Variants in ULK4 observed in about 807,000 individuals in gnomAD.
ULK4 encodes the protein inactive serine/threonine-protein kinase ULK4.
A neutral mutation model predicts 160.6 loss-of-function variants in ULK4; 133 were observed. The ratio of observed to expected loss-of-function variants is 0.83; its 90% CI spans 0.72 to 0.96. The LOEUF is 0.96. Among genes scored for constraint, ULK4 ranks in the 40% least tolerant of loss-of-function variants. The probability of loss-of-function intolerance (pLI) is 0.00; values close to 1 mark genes in which losing one functional copy is unlikely to be tolerated. For missense variants in ULK4, 1,580 were observed against 1,499.5 expected, an observed-to-expected ratio of 1.05 and a Z score of -0.89; for synonymous variants, 534 against 539.8, an observed-to-expected ratio of 0.99 and a Z score of 0.15.
At chr3:41,608,298 C>T (rs898040902) in intron 31 of ULK4, among the ~76,000 whole-genome samples, 1 of 151,944 alleles carries the variant, frequency 6.6e-6, no homozygotes, top group Non-Finnish European at 1.5e-5. Flanking sequence ...CTTGCTCATC[C>T]AAAAAAACAA....
At chr3:41,638,131 A>G (rs1234196264) in intron 30 of ULK4, among the ~76,000 whole-genome samples, 1 of 152,206 alleles carries the variant, frequency 6.6e-6, no homozygotes, top group East Asian at 1.9e-4. Flanking sequence ...GTACGAAAGT[A>G]CATATTTCAC....
chr3:41,508,671 G>T (rs190606394), intron 32 of ULK4, among the ~76,000 whole-genome samples: 212 of 152,250 alleles, frequency 1.4e-3, no homozygotes, highest in Admixed American at 2.4e-3. Context: ...TTCCTCAGTA[G>T]CAGCCCTGAG....
At chr3:41,860,655 T>C (rs554708802) in intron 17 of ULK4, among the ~76,000 whole-genome samples, 1 of 152,250 alleles carries the variant, frequency 6.6e-6, no homozygotes, top group Non-Finnish European at 1.5e-5. Flanking sequence ...AATCAATGGG[T>C]CTTGTTTTTT....
intron 2 of ULK4, among the ~76,000 whole-genome samples, chr3:41,952,583 T>G (rs767418921): frequency 7.2e-5 from 11 of 151,964 alleles, no homozygotes; most frequent in Non-Finnish European, 1.3e-4. Flanking sequence ...CTGATAAGGA[T>G]GCAGAGAAAC....
chr3:41,646,857 C>T (rs1305081302), intron 30 of ULK4, among the ~76,000 whole-genome samples: 4 of 152,226 alleles, frequency 2.6e-5, no homozygotes, highest in Non-Finnish European at 5.9e-5. Flanking sequence ...GGTCTTTTCA[C>T]ATAGTCCCAT....
chr3:41,910,186 G>A (rs1296779662), intron 11 of ULK4, among the ~76,000 whole-genome samples: 1 of 152,158 alleles, frequency 6.6e-6, no homozygotes, highest in Non-Finnish European at 1.5e-5. Flanking sequence ...GTGAGCTACT[G>A]AGCCCGGTCC....
At chr3:41,354,646 G>C (rs1173415082) in intron 35 of ULK4, among the ~76,000 whole-genome samples, 1 of 152,150 alleles carries the variant, frequency 6.6e-6, no homozygotes, top group Non-Finnish European at 1.5e-5. Flanking sequence ...ACAAGCAGAA[G>C]CTTGACAGAA....
chr3:41,685,531 G>C (rs901968669), intron 27 of ULK4, among the ~76,000 whole-genome samples: 4 of 152,118 alleles, frequency 2.6e-5, no homozygotes, highest in African/African-American at 9.7e-5. Context: ...ACTGTCCTTA[G>C]GAGATCCAAA....
At chr3:41,865,422 GA>G (rs1246983069) in intron 17 of ULK4, among the ~76,000 whole-genome samples, 1 of 150,352 alleles carries the variant, frequency 6.7e-6, no homozygotes, top group Non-Finnish European at 1.5e-5. Context: ...TATCTTACCA[GA>G]TCCAATAGAA....
rs1698777893 is a variant in ULK4, at chr3:41,911,363, T to C, written c.1039A>G (p.Lys347Glu). ...RLENPTEFRPKSTLEGQLNES... is the reference protein window; with the variant it reads ...RLENPTEFRPESTLEGQLNES... ...TTCAATTGACCCTCAAGAGTACTCT[T>C]AGGCCGAAACTCAGTTGGATTTTCT... is the stretch of plus-strand genomic sequence containing the variant. Residue 347 changes from lysine to glutamate, a missense_variant, in exon 11 of 37, where the codon AAG (lysine) becomes GAG (glutamate). Lys to Glu is a moderately conservative substitution (Grantham distance 56, BLOSUM62 1). Coordinates refer to ENST00000301831, the MANE Select transcript of ULK4 (RefSeq NM_017886.4). 2.5e-6 allele frequency: 4 copies of C among 1,614,108 alleles called. No individual in the cohort carries two copies. Among genetic ancestry groups the C allele is most frequent in the Non-Finnish European group, 3.4e-6 (4 of 1,179,992 alleles).
At chr3:41,546,881 C>A (rs1353615342) in intron 32 of ULK4, among the ~76,000 whole-genome samples, 1 of 151,702 alleles carries the variant, frequency 6.6e-6, no homozygotes, top group East Asian at 1.9e-4. Context: ...TGTTTTCCTG[C>A]TCTTCTGGCC....
At chr3:41,278,501 C>T (rs1048608719) in intron 35 of ULK4, among the ~76,000 whole-genome samples, 7 of 152,170 alleles carry the variant, frequency 4.6e-5, no homozygotes, top group Admixed American at 3.3e-4. Context: ...TCAAGTGGGT[C>T]GCTGACCCCT....
intron 22 of ULK4, among the ~76,000 whole-genome samples, chr3:41,731,821 T>C (rs2037835231): frequency 6.6e-6 from 1 of 151,892 alleles, no homozygotes; most frequent in Non-Finnish European, 1.5e-5. Context: ...AACACAAAAG[T>C]AAATCCACAC....
intron 18 of ULK4, among the ~76,000 whole-genome samples, chr3:41,828,955 T>C (rs759111624): frequency 0.28 from 40,001 of 144,252 alleles, 7,171 homozygotes; most frequent in African/African-American, 0.59. Context: ...GAGATATAGA[T>C]CAATGGAACA....
chr3:41,667,798 T>C (rs1349443555), intron 29 of ULK4, among the ~76,000 whole-genome samples: 8 of 152,214 alleles, frequency 5.3e-5, no homozygotes, highest in African/African-American at 1.7e-4. Context: ...GAAAGACCAT[T>C]CACACTAAAT....
At chr3:41,828,322 T>C (rs2041443131) in intron 18 of ULK4, among the ~76,000 whole-genome samples, 1 of 149,198 alleles carries the variant, frequency 6.7e-6, no homozygotes, top group Non-Finnish European at 1.5e-5. Flanking sequence ...GAGAAGGAAA[T>C]AAAGGGCATT....
At chr3:41,432,353 T>C (rs2082933677) in intron 34 of ULK4, among the ~76,000 whole-genome samples, 3 of 152,242 alleles carry the variant, frequency 2.0e-5, no homozygotes, top group African/African-American at 7.2e-5. Context: ...ATATCTTTAG[T>C]CTGTTTCTCT....
chr3:41,948,934 A>T (rs1700195630), intron 2 of ULK4, among the ~76,000 whole-genome samples: 1 of 151,172 alleles, frequency 6.6e-6, no homozygotes, highest in African/African-American at 2.4e-5. Context: ...ATTACACAAG[A>T]AAAAAAAAGG....
intron 25 of ULK4, among the ~76,000 whole-genome samples, chr3:41,710,030 G>A (rs2037038442): frequency 6.6e-6 from 1 of 152,112 alleles, no homozygotes; most frequent in Admixed American, 6.5e-5. Flanking sequence ...ACCTGAGGAG[G>A]TATGCTTCAC....
Sources: allele counts gnomAD v4.1 joint callset (sites outside exome capture counted in the v4.1 genomes callset), GRCh38; gene constraint gnomAD v4.1.1; transcripts MANE v1.5; gene names NCBI Gene and HGNC (gene_info 2026-07-23, HGNC 2026-07-21).